Variants in FBXO47 observed in about 807,000 individuals in gnomAD.
FBXO47 encodes F-box only protein 47.
A neutral mutation model predicts 53.9 loss-of-function variants in FBXO47; 34 were observed. The ratio of observed to expected loss-of-function variants is 0.63; its 90% confidence interval spans 0.48 to 0.84. The LOEUF (loss-of-function observed/expected upper bound fraction) is 0.84, where lower values mean the gene tolerates loss of function less well. Ranked by LOEUF, FBXO47 falls within the 40% of genes least tolerant of loss-of-function variation. The probability of loss-of-function intolerance (pLI) is 0.00; values close to 1 mark genes in which losing one functional copy is unlikely to be tolerated. For synonymous variants in FBXO47, 165 were observed against 181.6 expected, an observed-to-expected ratio of 0.91 and a Z score of 0.73; for missense variants, 485 against 541.3, an observed-to-expected ratio of 0.90 and a Z score of 1.03.
intron 3 of FBXO47, among the ~76,000 whole-genome samples, chr17:38,957,805 A>G (rs1377024180): frequency 6.7e-6 from 1 of 149,642 alleles, no homozygotes; most frequent in Non-Finnish European, 1.5e-5. Context: ...GGCTCCAGTG[A>G]TCCTCGTGTG....
chr17:38,945,951 AT>A lies in FBXO47; in HGVS notation c.617-816del, dbSNP rs1567716079. On this transcript the variant is annotated intron_variant, in intron 6 of 10. Transcript: ENST00000378079. The stretch of plus-strand genomic sequence containing the variant: ...ACTCTGGCTCAAAAAAAAAAAAAAT[AT>A]ATATATATATATAAATATATAAATA... Among the ~76,000 whole-genome samples the A allele has an allele frequency of 2.8e-3, 336 of 118,796 alleles. 9 individuals are homozygous for A. The highest frequency in any genetic ancestry group is 9.4e-3 in the African/African-American group (308 of 32,880). The allele number at this position is 118,796 out of a possible 152,430, so 77.9% of individuals were successfully genotyped here.
At position 38,944,968 on chromosome 17, in the gene FBXO47, G is replaced by A. The variant is rs906005448; in HGVS notation, c.785C>T (p.Pro262Leu). ...GAAAGATGGGTGCTCACCATCTTGA[G>A]GAGATATTGGCCCAAAGATGATATA... ...LLYIIFGPIS[P>L]QDGQVVWQEM... The change falls in exon 7 of 11, where the codon CCT (proline) becomes CTT (leucine). Residue 262 changes from proline to leucine, a missense_variant. By Grantham distance (98) the Pro-to-Leu change is moderately conservative. Coordinates refer to ENST00000378079, the MANE Select transcript of FBXO47 (RefSeq NM_001008777.3). The A allele has an allele frequency of 6.2e-7, 1 of 1,613,502 alleles. No homozygotes were observed. Among genetic ancestry groups the A allele is most frequent in the East Asian group, 2.2e-5 (1 of 44,840 alleles).
At position 38,951,586 on chromosome 17, in the gene FBXO47, T is replaced by C. The variant is rs1168193678; in HGVS notation, c.611A>G (p.Lys204Arg). The change falls in exon 6 of 11, where the codon AAA becomes AGA. Residue 204 changes from lysine to arginine, a missense_variant. Transcript: ENST00000378079. Reference protein sequence around the residue: ...CRKIQMAVCSKPGSAQKLELR... With the variant: ...CRKIQMAVCSRPGSAQKLELR... ...TGCAAATTATAGTTTTTTACCTGGT[T>C]TGCTGCAGACAGCCATTTGTATCTT... 1 of 1,608,788 alleles carries C rather than the reference T, an allele frequency of 6.2e-7. No homozygotes were observed. The highest frequency in any genetic ancestry group is 1.7e-5 in the Admixed American group (1 of 59,402).
intron 6 of FBXO47, among the ~76,000 whole-genome samples, chr17:38,949,801 C>T (rs979206210): frequency 6.6e-6 from 1 of 152,152 alleles, no homozygotes; most frequent in African/African-American, 2.4e-5. Flanking sequence ...GTAGAGCAGT[C>T]ATGGCTCACT....
intron 4 of FBXO47, among the ~76,000 whole-genome samples, chr17:38,956,420 T>G (rs1051763415): frequency 6.6e-6 from 1 of 151,524 alleles, no homozygotes; most frequent in Non-Finnish European, 1.5e-5. Flanking sequence ...AAACCTCATC[T>G]CTACTAAAAG....
Position 38,946,336 on chromosome 17 carries a change from A to G in FBXO47, c.617-1200T>C, listed in dbSNP as rs1416790283. Among the ~76,000 whole-genome samples, 137 of 92,966 alleles carry G rather than the reference A, an allele frequency of 1.5e-3. 3 individuals carry two copies. Among genetic ancestry groups the G allele is most frequent in the Admixed American group, 5.9e-3 (35 of 5,890 alleles). 61.0% of individuals were successfully genotyped at this position (92,966 alleles called of 152,430 possible). On this transcript the variant is annotated intron_variant, in intron 6 of 10. Transcript: ENST00000378079. ...TATAAATATATATAAATATATAAAT[A>G]TATATAAATATATAAATATATATAA...
chr17:38,950,376 TTTTG>T (rs1258188080), intron 6 of FBXO47, among the ~76,000 whole-genome samples: 2 of 151,976 alleles, frequency 1.3e-5, no homozygotes, highest in Non-Finnish European at 2.9e-5. Context: ...ACCTGGTCTT[TTTTG>T]TTTGTTTTGT....
chr17:38,949,687 G>A (rs1318649661), intron 6 of FBXO47, among the ~76,000 whole-genome samples: 2 of 152,000 alleles, frequency 1.3e-5, no homozygotes, highest in Non-Finnish European at 2.9e-5. Flanking sequence ...TATTTAAATC[G>A]AACTTTCTGA....
intron 6 of FBXO47, among the ~76,000 whole-genome samples, chr17:38,946,635 TATAA>T (rs1202656498): frequency 2.9e-5 from 2 of 69,708 alleles, no homozygotes; most frequent in Admixed American, 2.6e-4. Flanking sequence ...TATATGAATA[TATAA>T]ATATATATAA....
Position 38,937,213 on chromosome 17 carries a change from C to A in FBXO47, c.1321G>T (p.Val441Phe), listed in dbSNP as rs192245324. The change falls in exon 11 of 11, where the codon GTC becomes TTC. Residue 441 changes from valine (V) to phenylalanine (F), a missense_variant. Transcript: ENST00000378079. Reference sequence around the variant, plus strand: ...GGAGTATTCATGGTCAAATACAGGACCTCCTTATGGAAGTTAGCCTGAGCA... The same window carrying A: ...GGAGTATTCATGGTCAAATACAGGAACTCCTTATGGAAGTTAGCCTGAGCA... ...VHAQANFHKE[V>F]LYLTMNTPLS... is the part of the protein sequence containing the mutation. 49 of 1,605,322 alleles carry A rather than the reference C, an allele frequency of 3.1e-5. No individual in the cohort carries two copies. The East Asian group carries it at 1.0e-3, about 33-fold the overall frequency.
At chr17:38,944,893 T>C in intron 7 of FBXO47, 67 bp downstream of exon 7, 5 of 1,158,636 alleles carry the variant, frequency 4.3e-6, no homozygotes, top group Non-Finnish European at 3.8e-6. Context: ...TTCCTAAATA[T>C]ATATATGCTT....
intron 9 of FBXO47, among the ~76,000 whole-genome samples, chr17:38,942,201 A>G (rs1272778362): frequency 2.6e-5 from 4 of 152,046 alleles, no homozygotes; most frequent in Admixed American, 2.6e-4. Flanking sequence ...TTTTTTTTTA[A>G]AAAGAATATA....
At chr17:38,948,635 T>C (rs1162392177) in intron 6 of FBXO47, among the ~76,000 whole-genome samples, 1 of 152,148 alleles carries the variant, frequency 6.6e-6, no homozygotes, top group Non-Finnish European at 1.5e-5. Flanking sequence ...CAGCACTTCA[T>C]TCTTTTTTTT....
At chr17:38,953,000 G>A (rs1392917867) in intron 5 of FBXO47, among the ~76,000 whole-genome samples, 2 of 151,476 alleles carry the variant, frequency 1.3e-5, no homozygotes, top group Non-Finnish European at 2.9e-5. Flanking sequence ...TCATTGGCTG[G>A]GCACAGCAGC....
In FBXO47 at chr17:38,962,957, T is replaced by C. The variant is rs139726090; in HGVS notation, c.69A>G (p.Gln23=). ...PNQKLRRSNR[Q]TSCYSKTLGS... ...CAAGGGTCTTGGAATAACAGCTGGT[T>C]TGACGATTACTACGTCTAAGTTTCT... The change falls in exon 2 of 11, where the codon CAA becomes CAG. Residue 23 remains glutamine, a synonymous_variant. Coordinates refer to ENST00000378079, the MANE Select transcript of FBXO47 (RefSeq NM_001008777.3). The C allele has an allele frequency of 4.2e-5, 68 of 1,613,364 alleles. No individual in the cohort carries two copies. Among genetic ancestry groups the C allele is most frequent in the Non-Finnish European group, 5.6e-5 (66 of 1,179,488 alleles).
At chr17:38,965,161 T>A (rs1393913663) in intron 1 of FBXO47, among the ~76,000 whole-genome samples, 2 of 152,222 alleles carry the variant, frequency 1.3e-5, no homozygotes, top group Admixed American at 6.5e-5. Context: ...TTACACTAAA[T>A]AATTATTTAA....
intron 1 of FBXO47, among the ~76,000 whole-genome samples, chr17:38,964,275 C>G (rs1488883852): frequency 6.6e-6 from 1 of 152,042 alleles, no homozygotes; most frequent in Non-Finnish European, 1.5e-5. Context: ...GCCTGACCAA[C>G]ATGGTGAAAC....
At chr17:38,948,637 C>CT (rs374110006) in intron 6 of FBXO47, among the ~76,000 whole-genome samples, 42 of 151,532 alleles carry the variant, frequency 2.8e-4, no homozygotes, top group East Asian at 1.4e-3. Flanking sequence ...GCACTTCATT[C>CT]TTTTTTTTTC....
intron 1 of FBXO47, among the ~76,000 whole-genome samples, chr17:38,965,442 C>G (rs982368315): frequency 6.6e-6 from 1 of 152,058 alleles, no homozygotes; most frequent in Non-Finnish European, 1.5e-5. Context: ...AAATTGGTTA[C>G]ACATTTGAAA....
Sources: allele counts gnomAD v4.1 joint callset (sites outside exome capture counted in the v4.1 genomes callset), GRCh38; gene constraint gnomAD v4.1.1; transcripts MANE v1.5; gene names NCBI Gene and HGNC (gene_info 2026-07-23, HGNC 2026-07-21).